SHQ1: variants seen among roughly 807,000 people sequenced by gnomAD.
SHQ1 encodes protein SHQ1 homolog.
Under a neutral mutation model 53.8 loss-of-function variants are expected in SHQ1, and 49 were observed. The observed-to-expected ratio is 0.91, with a 90% CI of 0.72 to 1.16. SHQ1 has a LOEUF of 1.16. Among genes scored for constraint, SHQ1 ranks in the 50% most tolerant of loss-of-function variants. The pLI is 0.00. For synonymous variants in SHQ1, 243 were observed against 251.0 expected, an observed-to-expected ratio of 0.97 and a Z score of 0.30; for missense variants, 738 against 683.1, an observed-to-expected ratio of 1.08 and a Z score of -0.90.
intron 10 of SHQ1, among the ~76,000 whole-genome samples, chr3:72,765,557 A>ATTTTTTTTTTTTT (rs61074795): frequency 1.7e-5 from 1 of 57,182 alleles, no homozygotes; most frequent in African/African-American, 7.9e-5. Context: ...ATATATATAT[A>ATTTTTTTTTTTTT]TTTTTTTTTT....
At chr3:72,752,756 T>C (rs1705415293) in intron 10 of SHQ1, among the ~76,000 whole-genome samples, 1 of 152,168 alleles carries the variant, frequency 6.6e-6, no homozygotes, top group Non-Finnish European at 1.5e-5. Flanking sequence ...CTTCATCTCC[T>C]GACCTCGTGA....
intron 5 of SHQ1, among the ~76,000 whole-genome samples, chr3:72,825,890 T>C (rs919834793): frequency 6.6e-6 from 1 of 152,170 alleles, no homozygotes; most frequent in African/African-American, 2.4e-5. Flanking sequence ...CACAGACAAC[T>C]TACGGAGTTC....
intron 10 of SHQ1, among the ~76,000 whole-genome samples, chr3:72,783,599 C>T (rs1453301527): frequency 6.6e-6 from 1 of 152,136 alleles, no homozygotes; most frequent in Admixed American, 6.5e-5. Context: ...TAGGCATGAG[C>T]CAGCATGCCC....
chr3:72,835,983 C>T (rs1413056773), intron 4 of SHQ1, among the ~76,000 whole-genome samples: 1 of 152,188 alleles, frequency 6.6e-6, no homozygotes, highest in Non-Finnish European at 1.5e-5. Context: ...CTAGAATGTT[C>T]TCTGAGGGTA....
chr3:72,753,147 C>T (rs1183971590), intron 10 of SHQ1: 2 of 985,230 alleles, frequency 2.0e-6, no homozygotes, highest in African/African-American at 3.5e-5. Context: ...GATGTGACAA[C>T]TGAAGAAAGG....
intron 10 of SHQ1, among the ~76,000 whole-genome samples, chr3:72,756,897 C>A (rs1705507286): frequency 6.6e-6 from 1 of 152,182 alleles, no homozygotes. Flanking sequence ...AAGTACTTGC[C>A]TTTACTATGG....
intron 9 of SHQ1, among the ~76,000 whole-genome samples, chr3:72,803,643 T>C (rs551163972): frequency 1.3e-5 from 2 of 152,172 alleles, no homozygotes; most frequent in African/African-American, 2.4e-5. Flanking sequence ...TGTAAAGAGA[T>C]AGAAAGTAAA....
Position 72,750,638 on chromosome 3 carries a change from T to A in SHQ1, c.1380A>T (p.Ser460=). The change falls in exon 11 of 11, where the codon TCA becomes TCT. Residue 460 remains serine, a synonymous_variant. Coordinates refer to ENST00000325599, the MANE Select transcript of SHQ1 (RefSeq NM_018130.3). ...SSSEASDSED[S]DSSVSSGNED... is the part of the protein sequence containing the mutation. ...CGTTTCCAGATGACACGCTGCTGTCTGAGTCCTCCGAATCACTTGCCTCAG... is the reference window on the plus strand; with the variant it reads ...CGTTTCCAGATGACACGCTGCTGTCAGAGTCCTCCGAATCACTTGCCTCAG... The A allele has an allele frequency of 6.2e-7, 1 of 1,614,108 alleles. No individual in the cohort carries two copies. The highest frequency in any genetic ancestry group is 8.5e-7 in the Non-Finnish European group (1 of 1,179,966).
the SHQ1 span, among the ~76,000 whole-genome samples, chr3:72,732,638 T>C: frequency 1.3e-5 from 2 of 151,582 alleles, no homozygotes; most frequent in Non-Finnish European, 2.9e-5. Flanking sequence ...GCAAACATTA[T>C]GTAGACACAG....
At chr3:72,766,612 C>T (rs1403819210) in intron 10 of SHQ1, among the ~76,000 whole-genome samples, 1 of 152,176 alleles carries the variant, frequency 6.6e-6, no homozygotes, top group African/African-American at 2.4e-5. Context: ...CTACAACTTA[C>T]CTCTTCTAAG....
chr3:72,842,380 G>C lies in SHQ1; in HGVS notation c.231C>G (p.Pro77=). ...ADKGIFTIRL[P]KETPGQHFEG... ...CAAAATGCTGGCCAGGGGTTTCTTTGGGCAGGCGAATGGTAAAAATTCCTT... is the reference window on the plus strand; with the variant it reads ...CAAAATGCTGGCCAGGGGTTTCTTTCGGCAGGCGAATGGTAAAAATTCCTT... The change falls in exon 3 of 11, where the codon CCC becomes CCG. Residue 77 remains proline, a synonymous_variant. Transcript: ENST00000325599. 6.2e-7 allele frequency: 1 copy of C among 1,613,386 alleles called. No individual in the cohort carries two copies.
intron 5 of SHQ1, among the ~76,000 whole-genome samples, chr3:72,829,106 G>A (rs900188776): frequency 2.0e-5 from 3 of 152,102 alleles, no homozygotes; most frequent in African/African-American, 7.2e-5. Flanking sequence ...GAATGTGTGG[G>A]ATAAGAAAGA....
Position 72,750,345 on chromosome 3 carries a change from G to A in SHQ1, c.1673C>T (p.Thr558Ile), listed in dbSNP as rs747970837. Residue 558 changes from threonine (T) to isoleucine (I), a missense_variant, in exon 11 of 11, where the codon ACC becomes ATC. Coordinates refer to ENST00000325599, the MANE Select transcript of SHQ1 (RefSeq NM_018130.3). Reference sequence around the variant, plus strand: ...AATATTGCTGCGGTTTACAGCAGTGGTGCCCTTGGGTTCAGAAACCTGAAC... The same window carrying A: ...AATATTGCTGCGGTTTACAGCAGTGATGCCCTTGGGTTCAGAAACCTGAAC... ...TTVQVSEPKG[T>I]TAVNRSNIQE... The A allele has an allele frequency of 1.9e-6, 3 of 1,614,098 alleles. No individual in the cohort carries two copies. Among genetic ancestry groups the A allele is most frequent in the Non-Finnish European group, 2.5e-6 (3 of 1,180,016 alleles).
intron 10 of SHQ1, among the ~76,000 whole-genome samples, chr3:72,758,932 C>T (rs1705556863): frequency 6.6e-6 from 1 of 152,190 alleles, no homozygotes; most frequent in Admixed American, 6.5e-5. Context: ...GGGCAGAATC[C>T]CTTCCATGCC....
intron 10 of SHQ1, among the ~76,000 whole-genome samples, chr3:72,754,155 C>T (rs778379288): frequency 6.6e-6 from 1 of 152,330 alleles, no homozygotes; most frequent in African/African-American, 2.4e-5. Flanking sequence ...CATCACTGCA[C>T]TTGCTCCATT....
At chr3:72,762,676 C>T (rs62251653) in intron 10 of SHQ1, among the ~76,000 whole-genome samples, 33,516 of 151,692 alleles carry the variant, frequency 0.22, 3,920 homozygotes, top group Non-Finnish European at 0.24. Flanking sequence ...TCCTTCTTGC[C>T]TCCAGTTTTT....
chr3:72,753,372 C>A (rs1227348174), intron 10 of SHQ1: 1 of 985,202 alleles, frequency 1.0e-6, no homozygotes, highest in East Asian at 1.1e-4. Flanking sequence ...ATGGGAAATA[C>A]CGAACAAAGA....
At chr3:72,756,678 C>T (rs1280790315) in intron 10 of SHQ1, among the ~76,000 whole-genome samples, 1 of 152,090 alleles carries the variant, frequency 6.6e-6, no homozygotes, top group Non-Finnish European at 1.5e-5. Flanking sequence ...AATTGGATAC[C>T]ACTGCTGTCA....
At chr3:72,817,448 A>C in intron 6 of SHQ1, 64 bp from the exon 7 acceptor site, 1 of 1,422,806 alleles carries the variant, frequency 7.0e-7, no homozygotes, top group Admixed American at 2.3e-5. Context: ...CCAATGGAAG[A>C]TTTGTCAAAA....
Sources: allele counts gnomAD v4.1 joint callset (sites outside exome capture counted in the v4.1 genomes callset), GRCh38; gene constraint gnomAD v4.1.1; transcripts MANE v1.5; gene names NCBI Gene and HGNC (gene_info 2026-07-23, HGNC 2026-07-21).